PPP4R2: variants seen among roughly 807,000 people sequenced by gnomAD.
PPP4R2 encodes the protein serine/threonine-protein phosphatase 4 regulatory subunit 2.
A neutral mutation model predicts 47.2 loss-of-function variants in PPP4R2; 13 were observed. That is an observed-to-expected ratio of 0.28 (90% CI 0.18 to 0.44). The LOEUF is 0.44. Among genes scored for constraint, PPP4R2 ranks in the 20% least tolerant of loss-of-function variants. The pLI, the probability that PPP4R2 is intolerant of heterozygous loss-of-function variation, is 1.00. For synonymous variants in PPP4R2, 151 were observed against 163.3 expected (o/e 0.92, Z 0.57); for missense variants, 421 against 491.2 (o/e 0.86, Z 1.35).
chr3:73,005,069 A>G (rs1701576603), intron 2 of PPP4R2, among the ~76,000 whole-genome samples: 1 of 151,564 alleles, frequency 6.6e-6, no homozygotes, highest in South Asian at 2.1e-4. Flanking sequence ...TCCGCCTCCC[A>G]GTAGCTGGCA....
intron 3 of PPP4R2, among the ~76,000 whole-genome samples, chr3:73,049,741 A>G (rs1702570779): frequency 6.7e-6 from 1 of 150,226 alleles, no homozygotes; most frequent in Non-Finnish European, 1.5e-5. Context: ...AAACAAATAC[A>G]TGTATTATAT....
intron 2 of PPP4R2, among the ~76,000 whole-genome samples, chr3:73,001,516 G>A (rs575055085): frequency 6.6e-6 from 1 of 152,336 alleles, no homozygotes; most frequent in African/African-American, 2.4e-5. Context: ...TGAGGCTGCA[G>A]TGAGCCGTGA....
chr3:73,021,846 A>ATGTG (rs1350655364), intron 2 of PPP4R2, among the ~76,000 whole-genome samples: 7 of 120,828 alleles, frequency 5.8e-5, no homozygotes, highest in African/African-American at 2.7e-4. Flanking sequence ...TTACATTTCT[A>ATGTG]TATGTGTGTG....
At position 72,997,084 on chromosome 3, in the gene PPP4R2, GCCCCCTCTCCATT is replaced by G. The variant is rs886146075; in HGVS notation, c.34+21_34+33del. The G allele has an allele frequency of 6.5e-6, 9 of 1,383,410 alleles. No homozygotes were observed. The highest frequency in any genetic ancestry group is 1.5e-5 in the African/African-American group (1 of 67,384). 85.7% of individuals were successfully genotyped at this position (1,383,410 alleles called of 1,614,324 possible). ...GAGGCGCTGAAAGGTGGGGGTAGCT[GCCCCCTCTCCATT>G]CCCCCTCACCTTCTCCGGCTCGCTC... On this transcript the variant is annotated intron_variant, in intron 1 of 8. Transcript: ENST00000356692.
At chr3:73,010,649 C>T (rs1701704785) in intron 2 of PPP4R2, among the ~76,000 whole-genome samples, 1 of 152,090 alleles carries the variant, frequency 6.6e-6, no homozygotes, top group Non-Finnish European at 1.5e-5. Flanking sequence ...GCCTCTGCCT[C>T]CCGGTTTCGA....
chr3:73,043,073 A>G (rs953272814), intron 2 of PPP4R2, among the ~76,000 whole-genome samples: 1 of 150,174 alleles, frequency 6.7e-6, no homozygotes, highest in East Asian at 2.0e-4. Flanking sequence ...GACTCTGTGC[A>G]TATGGAAATC....
intron 5 of PPP4R2, chr3:73,062,959 G>A: frequency 2.1e-6 from 3 of 1,422,536 alleles, no homozygotes; most frequent in Non-Finnish European, 2.9e-6. Flanking sequence ...CTAGATCAGT[G>A]CATGGATGGC....
chr3:73,057,555 G>T (rs979630961), intron 3 of PPP4R2, among the ~76,000 whole-genome samples: 1 of 152,034 alleles, frequency 6.6e-6, no homozygotes, highest in Admixed American at 6.6e-5. Context: ...GTTTGGATTC[G>T]ATTTTAGGTT....
In PPP4R2 at chr3:73,001,374, G is replaced by T. The variant is rs925900059; in HGVS notation, c.116+3216G>T. ...AGCCCAGGAGTTCGAGACCAGCCTGGGCAACATGGTGAAACCCGTCTTTAC... is the reference window on the plus strand; with the variant it reads ...AGCCCAGGAGTTCGAGACCAGCCTGTGCAACATGGTGAAACCCGTCTTTAC... On this transcript the variant is annotated intron_variant, in intron 2 of 8. Coordinates refer to ENST00000356692, the MANE Select transcript of PPP4R2 (RefSeq NM_174907.4). Among the ~76,000 whole-genome samples the T allele has an allele frequency of 3.3e-5, 5 of 151,974 alleles. No homozygotes were observed. The South Asian group carries it at 1.0e-3, about 32-fold the overall frequency.
chr3:73,039,562 T>G (rs1197649551), intron 2 of PPP4R2, among the ~76,000 whole-genome samples: 2 of 152,166 alleles, frequency 1.3e-5, no homozygotes, highest in African/African-American at 4.8e-5. Flanking sequence ...AGGTGGGGAA[T>G]GGGCCCATGG....
At chr3:73,037,523 G>A (rs1702289497) in intron 2 of PPP4R2, among the ~76,000 whole-genome samples, 2 of 152,054 alleles carry the variant, frequency 1.3e-5, no homozygotes, top group East Asian at 1.9e-4. Context: ...TTTACCACTT[G>A]GAGTGAGGAT....
chr3:73,029,218 G>A (rs945562495), intron 2 of PPP4R2, among the ~76,000 whole-genome samples: 2 of 152,230 alleles, frequency 1.3e-5, no homozygotes, highest in South Asian at 2.1e-4. Context: ...TGGGATTACA[G>A]GCGTGAGCCA....
At chr3:72,998,672 A>G (rs1035778144) in intron 2 of PPP4R2, among the ~76,000 whole-genome samples, 1 of 152,006 alleles carries the variant, frequency 6.6e-6, no homozygotes, top group African/African-American at 2.4e-5. Context: ...TACAGTTTTG[A>G]CTTGTAGACT....
intron 3 of PPP4R2, among the ~76,000 whole-genome samples, chr3:73,050,176 G>C (rs1212037902): frequency 6.6e-6 from 1 of 152,066 alleles, no homozygotes; most frequent in East Asian, 1.9e-4. Flanking sequence ...TGTTGGCCAG[G>C]CTGGTCTGGA....
intron 3 of PPP4R2, among the ~76,000 whole-genome samples, chr3:73,050,944 C>T (rs533737098): frequency 6.6e-6 from 1 of 152,018 alleles, no homozygotes; most frequent in African/African-American, 2.4e-5. Flanking sequence ...GACAGAGTTT[C>T]GCTCTTGCTG....
chr3:73,062,297 C>G (rs554806348), intron 5 of PPP4R2: 12 of 1,607,662 alleles, frequency 7.5e-6, no homozygotes, highest in South Asian at 4.5e-5. Flanking sequence ...GGCTCCCTGA[C>G]CTTCAAGGAA....
At chr3:73,061,612 C>T (rs1280517195) in intron 5 of PPP4R2, 2 of 169,348 alleles carry the variant, frequency 1.2e-5, no homozygotes, top group Non-Finnish European at 2.5e-5. Context: ...AGTAGTGTTC[C>T]CCTCTCCAAA....
At chr3:73,062,800 T>C in intron 5 of PPP4R2, 1 of 1,613,950 alleles carries the variant, frequency 6.2e-7, no homozygotes, top group Non-Finnish European at 8.5e-7. Context: ...GAATCAGCCA[T>C]AGGTTGGATC....
At chr3:73,041,122 C>T (rs1702370567) in intron 2 of PPP4R2, among the ~76,000 whole-genome samples, 1 of 152,112 alleles carries the variant, frequency 6.6e-6, no homozygotes, top group Non-Finnish European at 1.5e-5. Flanking sequence ...GGAGTAGTCT[C>T]AATATTTTTC....
Sources: gnomAD v4.1 joint callset for allele counts (sites outside exome capture counted in the v4.1 genomes callset) on GRCh38, gnomAD v4.1.1 for gene constraint, MANE v1.5 for transcripts, NCBI Gene and HGNC (gene_info 2026-07-23, HGNC 2026-07-21) for gene names.